DGKB: variants seen among roughly 807,000 people sequenced by gnomAD.
DGKB encodes 90 kDa diacylglycerol kinase.
Under a neutral mutation model 114.3 loss-of-function variants are expected in DGKB, and 67 were observed. That is an observed-to-expected ratio of 0.59 (90% CI 0.48 to 0.72). DGKB has a LOEUF of 0.72. Among genes scored for constraint, DGKB ranks in the 30% least tolerant of loss-of-function variants. The probability of loss-of-function intolerance (pLI) is 0.00; values close to 1 mark genes in which losing one functional copy is unlikely to be tolerated. For synonymous variants in DGKB, 398 were observed against 323.1 expected (o/e 1.23, Z -2.49); for missense variants, 907 against 975.2 (o/e 0.93, Z 0.93).
intron 13 of DGKB, among the ~76,000 whole-genome samples, chr7:14,645,126 C>A (rs1040872425): frequency 6.6e-6 from 1 of 151,980 alleles, no homozygotes; most frequent in Non-Finnish European, 1.5e-5. Flanking sequence ...AACCATGGAC[C>A]CATCAGCATG....
intron 13 of DGKB, among the ~76,000 whole-genome samples, chr7:14,648,335 C>T (rs1388953529): frequency 2.6e-5 from 4 of 152,176 alleles, no homozygotes; most frequent in South Asian, 4.1e-4. Flanking sequence ...GGGTCCCTGA[C>T]CCCTGACCCC....
intron 21 of DGKB, among the ~76,000 whole-genome samples, chr7:14,354,078 A>G (rs1194606102): frequency 6.6e-6 from 1 of 152,164 alleles, no homozygotes; most frequent in Non-Finnish European, 1.5e-5. Context: ...ACATCCAATA[A>G]CTTAAAAATA....
In DGKB at chr7:14,147,806, C is replaced by G. The variant is rs1040051268; in HGVS notation, c.*1325G>C. ...TTTACATCATAGGCTTAATGAAACA[C>G]TAAAAGAAAAGTACTGTTCTGTGAT... On this transcript the variant is annotated 3_prime_UTR_variant, in exon 26 of 26. Transcript: ENST00000402815. The G allele has an allele frequency of 6.6e-6, 1 of 152,464 alleles. No homozygotes were observed. Among genetic ancestry groups the G allele is most frequent in the African/African-American group, 2.4e-5 (1 of 41,440 alleles). 9.4% of individuals were successfully genotyped at this position (152,464 alleles called of 1,614,324 possible). A position where few individuals can be genotyped will look rare whatever the true frequency, so the allele number is the denominator to read the frequency against.
intron 1 of DGKB, among the ~76,000 whole-genome samples, chr7:14,970,355 C>A (rs1787388154): frequency 6.6e-6 from 1 of 151,566 alleles, no homozygotes; most frequent in Admixed American, 6.6e-5. Flanking sequence ...ATATAGCAAA[C>A]AAATAGTATG....
intron 21 of DGKB, among the ~76,000 whole-genome samples, chr7:14,409,329 T>C (rs1824458937): frequency 6.6e-6 from 1 of 152,068 alleles, no homozygotes; most frequent in Admixed American, 6.6e-5. Context: ...ACCATAAACC[T>C]TGAATAATAT....
intron 21 of DGKB, among the ~76,000 whole-genome samples, chr7:14,381,272 G>C (rs1819430092): frequency 6.6e-6 from 1 of 152,170 alleles, no homozygotes; most frequent in Admixed American, 6.5e-5. Context: ...AAATACATAG[G>C]AATGTGCTAT....
intron 21 of DGKB, among the ~76,000 whole-genome samples, chr7:14,357,687 A>G (rs1277056078): frequency 3.9e-5 from 6 of 152,190 alleles, no homozygotes; most frequent in African/African-American, 1.4e-4. Context: ...GTTTCTTCAT[A>G]GCATTGATGG....
At chr7:14,737,208 G>A (rs1266339496) in intron 4 of DGKB, among the ~76,000 whole-genome samples, 1 of 151,770 alleles carries the variant, frequency 6.6e-6, no homozygotes, top group Non-Finnish European at 1.5e-5. Flanking sequence ...ACAGAGAAGA[G>A]GCTGGAATAA....
chr7:14,457,484 T>G (rs1832449047), intron 21 of DGKB, among the ~76,000 whole-genome samples: 1 of 152,182 alleles, frequency 6.6e-6, no homozygotes, highest in South Asian at 2.1e-4. Context: ...ATTGCTATAT[T>G]AAAGCTATTA....
intron 21 of DGKB, among the ~76,000 whole-genome samples, chr7:14,461,998 C>T (rs1174067977): frequency 6.6e-6 from 1 of 152,118 alleles, no homozygotes; most frequent in Non-Finnish European, 1.5e-5. Flanking sequence ...GAACCAAGGA[C>T]AAAACCCACA....
chr7:14,922,137 AG>A (rs1020240641), intron 1 of DGKB, among the ~76,000 whole-genome samples: 4 of 138,220 alleles, frequency 2.9e-5, no homozygotes, highest in African/African-American at 7.5e-5. Context: ...ATATTGATGT[AG>A]AAAAAAAATG....
At chr7:14,409,425 A>AATTGTTTGATATGTACT (rs1583716058) in intron 21 of DGKB, among the ~76,000 whole-genome samples, 1 of 66,750 alleles carries the variant, frequency 1.5e-5, no homozygotes, top group African/African-American at 4.2e-5. Context: ...GAAAAAGTTG[A>AATTGTTTGATATGTACT]GGCCGGGCGC....
chr7:14,952,872 T>C (rs1408486923), intron 1 of DGKB, among the ~76,000 whole-genome samples: 1 of 152,114 alleles, frequency 6.6e-6, no homozygotes, highest in African/African-American at 2.4e-5. Context: ...GGATATTATA[T>C]AAATCAATGG....
intron 12 of DGKB, among the ~76,000 whole-genome samples, chr7:14,676,652 G>T (rs545109389): frequency 6.6e-6 from 1 of 152,088 alleles, no homozygotes; most frequent in South Asian, 2.1e-4. Context: ...TCGTGGACAA[G>T]AATATAAGAA....
intron 2 of DGKB, among the ~76,000 whole-genome samples, chr7:14,761,929 A>G (rs1441850422): frequency 6.6e-6 from 1 of 152,164 alleles, no homozygotes; most frequent in Non-Finnish European, 1.5e-5. Flanking sequence ...GGTCTCCTGG[A>G]AAGCAAAGGA....
intron 23 of DGKB, among the ~76,000 whole-genome samples, chr7:14,210,750 A>G (rs1006560469): frequency 6.6e-6 from 1 of 152,084 alleles, no homozygotes; most frequent in African/African-American, 2.4e-5. Flanking sequence ...TAATGCAGAG[A>G]AAATCAGTGG....
rs555739029 is a variant in DGKB at position 14,627,150 on chromosome 7, AGTAAAAG to A, written c.1167+3079_1167+3085del. ...CACAGGTATACTGCTTGGTCATAGC[AGTAAAAG>A]GTAAGTGTTGTAAGAAGTATGATTT... On this transcript the variant is annotated intron_variant, in intron 14 of 25. Transcript: ENST00000402815. Among the ~76,000 whole-genome samples the A allele has an allele frequency of 2.1e-4, 32 of 152,304 alleles. 1 individual carries two copies. In the South Asian group the frequency reaches 5.6e-3, roughly 27 times the overall value.
chr7:14,589,191 T>C (rs1801271455), intron 17 of DGKB, among the ~76,000 whole-genome samples: 1 of 151,996 alleles, frequency 6.6e-6, no homozygotes, highest in Non-Finnish European at 1.5e-5. Flanking sequence ...AATATTAATA[T>C]TTTTGTTGCT....
intron 2 of DGKB, among the ~76,000 whole-genome samples, chr7:14,790,480 C>G (rs1033788015): frequency 1.4e-5 from 2 of 143,994 alleles, no homozygotes; most frequent in African/African-American, 5.5e-5. Context: ...CTGAGGTGCA[C>G]AATTTAGGCT....
Sources: gnomAD v4.1 joint callset for allele counts (sites outside exome capture counted in the v4.1 genomes callset) on GRCh38, gnomAD v4.1.1 for gene constraint, MANE v1.5 for transcripts, NCBI Gene and HGNC (gene_info 2026-07-23, HGNC 2026-07-21) for gene names.